Variants in PCDHA8 observed in about 807,000 individuals in gnomAD.
PCDHA8 encodes the protein protocadherin alpha 8, also known as protocadherin alpha-8.
Under a neutral mutation model 61.8 loss-of-function variants are expected in PCDHA8, and 53 were observed. The ratio of observed to expected loss-of-function variants is 0.86; its 90% CI spans 0.69 to 1.08. The LOEUF is 1.08. Ranked by LOEUF, PCDHA8 falls within the 50% of genes least tolerant of loss-of-function variation. PCDHA8 has a pLI of 0.00. For synonymous variants in PCDHA8, 618 were observed against 556.6 expected (o/e 1.11, Z -1.55); for missense variants, 1,293 against 1,245.0 (o/e 1.04, Z -0.58).
chr5:140,887,043 A>G (rs1459489169), intron 1 of PCDHA8, among the ~76,000 whole-genome samples: 1 of 151,986 alleles, frequency 6.6e-6, no homozygotes, highest in Admixed American at 6.6e-5. Context: ...TATTTTTTAT[A>G]GTGCATATGT....
intron 1 of PCDHA8, among the ~76,000 whole-genome samples, chr5:140,886,239 TAAATA>T (rs2060905359): frequency 6.6e-6 from 1 of 152,062 alleles, no homozygotes; most frequent in African/African-American, 2.4e-5. Context: ...ACTTCAGAAA[TAAATA>T]AAAGTATCTC....
chr5:140,924,901 A>AAAATAAAAT (rs1554202314), intron 1 of PCDHA8, among the ~76,000 whole-genome samples: 2 of 80,456 alleles, frequency 2.5e-5, no homozygotes, highest in African/African-American at 8.6e-5. Context: ...TCTCAAAAAA[A>AAAATAAAAT]AAAATAAAAT....
At chr5:140,922,288 T>C (rs2080761283) in intron 1 of PCDHA8, among the ~76,000 whole-genome samples, 1 of 152,150 alleles carries the variant, frequency 6.6e-6, no homozygotes, top group African/African-American at 2.4e-5. Context: ...GATATGAAAA[T>C]GCTAGGAGAG....
Position 140,856,423 on chromosome 5 carries a change from T to C in PCDHA8, c.2394+12708T>C, listed in dbSNP as rs1266159746. 5 of 1,598,178 alleles carry C rather than the reference T, an allele frequency of 3.1e-6. 1 individual carries two copies. In the African/African-American group the frequency reaches 4.0e-5, roughly 13 times the overall value. On this transcript the variant is annotated intron_variant, in intron 1 of 3. Transcript: ENST00000531613. ...ATGTGGACGTGGAAGTGAAGGACAT[T>C]AACGACAACCCGCCCAGGTTCTCCG...
chr5:140,933,666 T>C (rs1334972770), intron 1 of PCDHA8, among the ~76,000 whole-genome samples: 3 of 152,046 alleles, frequency 2.0e-5, no homozygotes, highest in Non-Finnish European at 4.4e-5. Context: ...TCTCTCTCTG[T>C]CTCTCTCACA....
intron 1 of PCDHA8, among the ~76,000 whole-genome samples, chr5:140,899,225 A>G (rs1479429839): frequency 6.6e-6 from 1 of 152,038 alleles, no homozygotes; most frequent in African/African-American, 2.4e-5. Flanking sequence ...TTCCAACACT[A>G]TGTTGAATAG....
At chr5:140,903,567 G>T (rs1554191019) in intron 1 of PCDHA8, among the ~76,000 whole-genome samples, 1 of 152,170 alleles carries the variant, frequency 6.6e-6, no homozygotes, top group African/African-American at 2.4e-5. Flanking sequence ...GTGGAATTGG[G>T]AGCTGTCTAG....
chr5:140,856,776 G>C (rs782634261), intron 1 of PCDHA8: 3 of 1,596,678 alleles, frequency 1.9e-6, no homozygotes, highest in Non-Finnish European at 1.7e-6. Flanking sequence ...ATCTTTGACA[G>C]ACCGGTTTAT....
intron 1 of PCDHA8, among the ~76,000 whole-genome samples, chr5:140,978,326 G>A: frequency 6.6e-6 from 1 of 152,202 alleles, no homozygotes; most frequent in East Asian, 1.9e-4. Flanking sequence ...ACAAGTACAA[G>A]TTTATGAAAA....
intron 1 of PCDHA8, chr5:140,967,098 G>C: frequency 6.2e-7 from 1 of 1,613,130 alleles, no homozygotes; most frequent in Non-Finnish European, 8.5e-7. Flanking sequence ...GAGGCGCTGT[G>C]TGAGCAGCGG....
intron 3 of PCDHA8, among the ~76,000 whole-genome samples, chr5:140,997,321 T>C (rs964967011): frequency 1.3e-5 from 2 of 152,174 alleles, no homozygotes; most frequent in Non-Finnish European, 2.9e-5. Flanking sequence ...CTTTAGGCAG[T>C]TTTTTCGTTG....
At chr5:140,911,716 T>A (rs2075609522) in intron 1 of PCDHA8, among the ~76,000 whole-genome samples, 1 of 151,644 alleles carries the variant, frequency 6.6e-6, no homozygotes, top group Non-Finnish European at 1.5e-5. Context: ...TTTGTGTAAC[T>A]CTGTAAACAG....
In PCDHA8 at chr5:140,842,268, A is replaced by T; in HGVS notation, c.947A>T (p.Tyr316Phe). The change falls in exon 1 of 4, where the codon TAC becomes TTC. Residue 316 changes from tyrosine (Y) to phenylalanine (F), a missense_variant. Transcript: ENST00000531613. Reference sequence around the variant, plus strand: ...TTGGATTTTGAACAAGAAAACTTATACAAAATCCTCATTGACGCCACGGAC... The same window carrying T: ...TTGGATTTTGAACAAGAAAACTTATTCAAAATCCTCATTGACGCCACGGAC... ...GNLDFEQENL[Y>F]KILIDATDKG... 6.2e-7 allele frequency: 1 copy of T among 1,610,534 alleles called. No individual in the cohort carries two copies. Among genetic ancestry groups the T allele is most frequent in the Non-Finnish European group, 8.5e-7 (1 of 1,176,952 alleles).
At chr5:140,894,223 T>C (rs2064371572) in intron 1 of PCDHA8, among the ~76,000 whole-genome samples, 1 of 152,124 alleles carries the variant, frequency 6.6e-6, no homozygotes. Context: ...ATTTTAAAGA[T>C]GTTGAATGAC....
chr5:141,001,694 C>A (rs2098032582), intron 3 of PCDHA8, among the ~76,000 whole-genome samples: 1 of 151,662 alleles, frequency 6.6e-6, no homozygotes, highest in African/African-American at 2.4e-5. Flanking sequence ...CCACAGATGG[C>A]GAAATAGGGG....
At chr5:140,873,009 T>C (rs1397141967) in intron 1 of PCDHA8, among the ~76,000 whole-genome samples, 1 of 152,224 alleles carries the variant, frequency 6.6e-6, no homozygotes, top group African/African-American at 2.4e-5. Context: ...TCATTCTTCA[T>C]ATTTAGTTAT....
chr5:140,961,027 C>G (rs1222428259), intron 1 of PCDHA8, among the ~76,000 whole-genome samples: 1 of 152,164 alleles, frequency 6.6e-6, no homozygotes, highest in Non-Finnish European at 1.5e-5. Flanking sequence ...CTTGCTACCT[C>G]CTTGTTTTGA....
At chr5:140,867,824 G>A (rs1258393601) in intron 1 of PCDHA8, 1 of 151,982 alleles carries the variant, frequency 6.6e-6, no homozygotes, top group African/African-American at 2.4e-5. Flanking sequence ...ATTTCCACAA[G>A]CACTAAGGTA....
At chr5:140,958,921 G>A (rs269549) in intron 1 of PCDHA8, among the ~76,000 whole-genome samples, 34,177 of 150,822 alleles carry the variant, frequency 0.23, 4,980 homozygotes, top group African/African-American at 0.42. Context: ...GCCTGGGTGT[G>A]GTGGCTCATA....
Sources: allele counts gnomAD v4.1 joint callset (sites outside exome capture counted in the v4.1 genomes callset), GRCh38; gene constraint gnomAD v4.1.1; transcripts MANE v1.5; gene names NCBI Gene and HGNC (gene_info 2026-07-23, HGNC 2026-07-21).